The following SFSWAP variants were observed in gnomAD, a reference collection of about 807,000 sequenced individuals.
SFSWAP encodes splicing factor, suppressor of white-apricot homolog.
A neutral mutation model predicts 100.7 loss-of-function variants in SFSWAP; 17 were observed. That is an observed-to-expected ratio of 0.17 (90% CI 0.12 to 0.25). SFSWAP has a LOEUF of 0.25. SFSWAP is among the 10% of genes least tolerant of loss of function. SFSWAP has a pLI of 1.00. For missense variants in SFSWAP, 1,005 were observed against 1,262.6 expected (o/e 0.80, Z 3.09); for synonymous variants, 504 against 510.1 (o/e 0.99, Z 0.16).
rs996855023 is a variant in SFSWAP at position 131,794,146 on chromosome 12, G to A, written c.2535-3032G>A. On this transcript the variant is annotated intron_variant, in intron 15 of 17. Coordinates refer to ENST00000261674, the MANE Select transcript of SFSWAP (RefSeq NM_004592.4). The surrounding 1 kb of genome is among the most constrained non-coding windows in gnomAD (Gnocchi z 4.8). ...GAATGAATCAACAGATAATGGTAGC[G>A]TCCTGTCCTGTAATACTATTCATCG... 3.3e-5 allele frequency among the ~76,000 whole-genome samples: 5 copies of A among 152,158 alleles called. No individual in the cohort carries two copies. The highest frequency in any genetic ancestry group is 1.3e-4 in the Admixed American group (2 of 15,280).
At chr12:131,726,420 G>A (rs7957087) in intron 5 of SFSWAP, among the ~76,000 whole-genome samples, 2,025 of 152,308 alleles carry the variant, frequency 0.013, 43 homozygotes, top group African/African-American at 0.045. Flanking sequence ...ATGTTGGCCA[G>A]GCTGGTCTCA....
intron 3 of SFSWAP, 41 bp from the exon 4 acceptor site, chr12:131,719,413 C>T (rs764234738): frequency 3.0e-5 from 45 of 1,491,090 alleles, no homozygotes; most frequent in Non-Finnish European, 4.0e-5. Context: ...GTGCCTTCCT[C>T]CCTGCATTGT....
chr12:131,781,769 G>A (rs1034035164), intron 14 of SFSWAP, among the ~76,000 whole-genome samples: 1 of 152,186 alleles, frequency 6.6e-6, no homozygotes, highest in African/African-American at 2.4e-5. Flanking sequence ...CATGGCCAAG[G>A]AGGTAGTATC....
chr12:131,795,439 G>C (rs550433256), intron 15 of SFSWAP, among the ~76,000 whole-genome samples: 34 of 152,314 alleles, frequency 2.2e-4, no homozygotes, highest in East Asian at 3.9e-4. Context: ...GGCATGCTGT[G>C]GTCCCTGGCT....
chr12:131,727,153 T>C, intron 6 of SFSWAP, 101 bp downstream of exon 6: 4 of 712,208 alleles, frequency 5.6e-6, no homozygotes, highest in Non-Finnish European at 9.7e-6. Flanking sequence ...GTGTTACAGT[T>C]GTATCTTATT....
intron 11 of SFSWAP, chr12:131,757,458 T>C (rs1882280043): frequency 6.6e-6 from 1 of 152,254 alleles, no homozygotes; most frequent in African/African-American, 2.4e-5. Flanking sequence ...GGAATAACTT[T>C]ATCCAGTCTG....
intron 13 of SFSWAP, among the ~76,000 whole-genome samples, chr12:131,768,922 G>A (rs1474064741): frequency 6.6e-6 from 1 of 152,106 alleles, no homozygotes; most frequent in Non-Finnish European, 1.5e-5. Context: ...CCAGGAGTTC[G>A]AGATCAGTCT....
intron 8 of SFSWAP, 39 bp from the exon 9 acceptor site, chr12:131,754,329 C>A: frequency 6.8e-7 from 1 of 1,463,906 alleles, no homozygotes; most frequent in South Asian, 1.5e-5. Context: ...CTTGGCGAGC[C>A]CCTGAAGCCC....
At chr12:131,757,595 T>C (rs1239347174) in intron 11 of SFSWAP, 1 of 152,464 alleles carries the variant, frequency 6.6e-6, no homozygotes, top group Non-Finnish European at 1.5e-5. Flanking sequence ...AGGCGACAGC[T>C]CTTGGGTCAG....
At chr12:131,722,602 C>T (rs970187040) in intron 4 of SFSWAP, among the ~76,000 whole-genome samples, 6 of 152,088 alleles carry the variant, frequency 3.9e-5, no homozygotes, top group Non-Finnish European at 8.8e-5. Context: ...TTACTGTGTA[C>T]CAGACAGTGT....
chr12:131,789,497 TG>T (rs2136274791), intron 15 of SFSWAP, among the ~76,000 whole-genome samples: 1 of 152,246 alleles, frequency 6.6e-6, no homozygotes, highest in East Asian at 1.9e-4. Context: ...GAATAGCCAC[TG>T]CACCCCCCAC....
rs551896285 is a variant in SFSWAP at position 131,730,667 on chromosome 12, C to T, written c.1081+2239C>T. On this transcript the variant is annotated intron_variant, in intron 7 of 17. Transcript: ENST00000261674. The surrounding 1 kb of genome is among the most constrained non-coding windows in gnomAD (Gnocchi z 4.0). ...CCCACACACTTTGGTTTCTTCCCACCTGCTGATGGCTCCCGAGACCACTGA... is the reference window on the plus strand; with the variant it reads ...CCCACACACTTTGGTTTCTTCCCACTTGCTGATGGCTCCCGAGACCACTGA... Among the ~76,000 whole-genome samples, 1 of 152,280 alleles carries T rather than the reference C, an allele frequency of 6.6e-6. No individual in the cohort carries two copies. The highest frequency in any genetic ancestry group is 2.1e-4 in the South Asian group (1 of 4,828).
At chr12:131,721,970 G>A (rs948388026) in intron 4 of SFSWAP, among the ~76,000 whole-genome samples, 3 of 152,166 alleles carry the variant, frequency 2.0e-5, no homozygotes, top group East Asian at 1.9e-4. Context: ...AATTCATTGT[G>A]TAAATTATAC....
chr12:131,794,814 G>A lies in SFSWAP; in HGVS notation c.2535-2364G>A, dbSNP rs1252146144. Among the ~76,000 whole-genome samples the A allele has an allele frequency of 2.0e-5, 3 of 152,136 alleles. No homozygotes were observed. Among genetic ancestry groups the A allele is most frequent in the South Asian group, 2.1e-4 (1 of 4,830 alleles). On this transcript the variant is annotated intron_variant, in intron 15 of 17. Coordinates refer to ENST00000261674, the MANE Select transcript of SFSWAP (RefSeq NM_004592.4). The surrounding 1 kb of genome is among the most constrained non-coding windows in gnomAD (Gnocchi z 4.8). ...TTCACCCAATGGACAGTGGCACCTC[G>A]GTGCTTTAAAAAAAAATGAATGAGT...
intron 16 of SFSWAP, among the ~76,000 whole-genome samples, chr12:131,798,795 CAGG>C (rs1334763558): frequency 6.6e-6 from 1 of 151,896 alleles, no homozygotes; most frequent in African/African-American, 2.4e-5. Context: ...GAGGCTGAGG[CAGG>C]AGAATTGCTT....
intron 3 of SFSWAP, among the ~76,000 whole-genome samples, chr12:131,716,463 C>T (rs1241898042): frequency 2.0e-5 from 3 of 152,154 alleles, no homozygotes; most frequent in African/African-American, 7.2e-5. Context: ...ATTTTGTTGT[C>T]TTATCTCTAA....
At chr12:131,739,153 C>T (rs1374887379) in intron 7 of SFSWAP, among the ~76,000 whole-genome samples, 2 of 152,140 alleles carry the variant, frequency 1.3e-5, no homozygotes, top group African/African-American at 2.4e-5. Context: ...GCTGGGATTA[C>T]AGGCATGAGC....
intron 15 of SFSWAP, among the ~76,000 whole-genome samples, chr12:131,789,510 T>C (rs139192625): frequency 1.3e-5 from 2 of 152,256 alleles, no homozygotes; most frequent in African/African-American, 4.8e-5. Context: ...ACCCCCCACC[T>C]GGGTAACAGA....
At chr12:131,762,763 G>T (rs994199408) in intron 11 of SFSWAP, among the ~76,000 whole-genome samples, 1 of 152,064 alleles carries the variant, frequency 6.6e-6, no homozygotes, top group East Asian at 1.9e-4. Flanking sequence ...ACCACACCCA[G>T]CTAATTTGTG....
Sources: allele counts gnomAD v4.1 joint callset (sites outside exome capture counted in the v4.1 genomes callset), GRCh38; gene constraint gnomAD v4.1.1; non-coding constraint Gnocchi (gnomAD v3.1); transcripts MANE v1.5; gene names NCBI Gene and HGNC (gene_info 2026-07-23, HGNC 2026-07-21).